YLPM1: variants seen among roughly 807,000 people sequenced by gnomAD.
YLPM1 encodes the protein YLP motif-containing protein 1.
In YLPM1, 99 loss-of-function variants were observed where a neutral mutation model predicts 230.0. The observed-to-expected ratio is 0.43, with a 90% CI of 0.37 to 0.51. YLPM1 has a LOEUF of 0.51. Ranked by LOEUF, YLPM1 falls within the 20% of genes least tolerant of loss-of-function variation. The pLI, the probability that YLPM1 is intolerant of heterozygous loss-of-function variation, is 0.00. For synonymous variants in YLPM1, 984 were observed against 942.5 expected (o/e 1.04, Z -0.81); for missense variants, 2,592 against 2,707.7 (o/e 0.96, Z 0.95).
chr14:74,827,843 A>G lies in YLPM1; in HGVS notation c.6164-1370A>G, dbSNP rs573402146. The G allele has an allele frequency of 3.2e-5, 32 of 985,400 alleles. No homozygotes were observed. The South Asian group carries it at 1.4e-3, about 43-fold the overall frequency. The allele number at this position is 985,400 out of a possible 1,614,324, so 61.0% of individuals were successfully genotyped here. ...GTCAGGGGGTCACTTCTTTAAGATC[A>G]TGTATAATACGGCCCGTCATATACA... On this transcript the variant is annotated intron_variant, in intron 18 of 20. Transcript: ENST00000325680.
In YLPM1 at chr14:74,778,595, A is replaced by G; in HGVS notation, c.1022A>G (p.Gln341Arg). The G allele has an allele frequency of 6.2e-7, 1 of 1,601,016 alleles. No homozygotes were observed. Residue 341 changes from glutamine to arginine, a missense_variant, in exon 2 of 21, where the codon CAA becomes CGA. Gln to Arg is a conservative substitution (Grantham distance 43). Around this residue, in one of 4 missense-constraint regions of YLPM1, gnomAD observed 1,862 missense variants for 1,819.8 expected, o/e 1.02. Transcript: ENST00000325680. ...GAAGTTACAGTACCTGCCACCAGTC[A>G]AGTTCCAGAATCTCCTTCTTCTGAG... is the stretch of plus-strand genomic sequence containing the variant. ...KEEVTVPATS[Q>R]VPESPSSEEP...
intron 4 of YLPM1, 64 bp from the exon 5 acceptor site, chr14:74,797,516 T>C: frequency 7.4e-7 from 1 of 1,356,380 alleles, no homozygotes; most frequent in Non-Finnish European, 9.7e-7. Flanking sequence ...TTAAATATTC[T>C]TACATGGAGA....
chr14:74,794,050 A>G (rs1471161369), intron 4 of YLPM1, among the ~76,000 whole-genome samples: 7 of 152,186 alleles, frequency 4.6e-5, no homozygotes, highest in African/African-American at 1.7e-4. Context: ...TTCAGAATGT[A>G]CAAACAAGAT....
In YLPM1 at chr14:74,798,787, C is replaced by G. The variant is rs760862932; in HGVS notation, c.3490C>G (p.Arg1164Gly). The change falls in exon 5 of 21, where the codon CGT (arginine) becomes GGT (glycine). Residue 1164 changes from arginine (R) to glycine (G), a missense_variant. This residue lies in a region of YLPM1 where 1,862 missense variants were observed against 1,819.8 expected (regional missense o/e 1.02). Coordinates refer to ENST00000325680, the MANE Select transcript of YLPM1 (RefSeq NM_019589.3). ...GGGACTGGGAAGATCAGATTTTGGT[C>G]GTGATAGAGGTCCATTCAGACCAGA... is the stretch of plus-strand genomic sequence containing the variant. ...ERGLGRSDFG[R>G]DRGPFRPEPG... 1 of 1,613,696 alleles carries G rather than the reference C, an allele frequency of 6.2e-7. No individual in the cohort carries two copies. Among genetic ancestry groups the G allele is most frequent in the South Asian group, 1.1e-5 (1 of 91,026 alleles).
At chr14:74,830,181 T>C (rs754747985) in intron 19 of YLPM1, among the ~76,000 whole-genome samples, 1 of 152,162 alleles carries the variant, frequency 6.6e-6, no homozygotes, top group Non-Finnish European at 1.5e-5. Context: ...TTGTAGTTTG[T>C]CATCAGTCTA....
rs1228879476 is a variant in YLPM1, at chr14:74,837,060, C to T, written c.*1322C>T. 2 of 152,120 alleles carry T rather than the reference C, an allele frequency of 1.3e-5. No individual in the cohort carries two copies. The highest frequency in any genetic ancestry group is 2.9e-5 in the Non-Finnish European group (2 of 68,014). 9.4% of individuals were successfully genotyped at this position (152,120 alleles called of 1,614,324 possible). The stretch of plus-strand genomic sequence containing the variant: ...TCTCTTTCAGGCCACAGATGAAAAT[C>T]CTTTACTTTTATGACCTACATTAAA... On this transcript the variant is annotated 3_prime_UTR_variant, in exon 21 of 21. Coordinates refer to ENST00000325680, the MANE Select transcript of YLPM1 (RefSeq NM_019589.3).
At chr14:74,834,716 G>C (rs1328035468) in intron 19 of YLPM1, among the ~76,000 whole-genome samples, 1 of 152,220 alleles carries the variant, frequency 6.6e-6, no homozygotes, top group Non-Finnish European at 1.5e-5. Context: ...TGCGCTCTGA[G>C]TGCTAGAAGG....
At position 74,816,683 on chromosome 14, in the gene YLPM1, A is replaced by G; in HGVS notation, c.5678A>G (p.Lys1893Arg). 1 of 1,612,062 alleles carries G rather than the reference A, an allele frequency of 6.2e-7. No individual in the cohort carries two copies. The highest frequency in any genetic ancestry group is 8.5e-7 in the Non-Finnish European group (1 of 1,179,142). Residue 1893 changes from lysine to arginine, a missense_variant, in exon 13 of 21, where the codon AAA (lysine) becomes AGA (arginine). Physicochemically the swap from Lys to Arg is conservative, Grantham distance 26. This residue lies in a region of YLPM1 where 315 missense variants were observed against 429.3 expected (regional missense o/e 0.73). Transcript: ENST00000325680. ...GATCCAGATTCTGGAAAGAAAGTGA[A>G]AAAGAAGGTATGGTATTCATCTCAG... is the stretch of plus-strand genomic sequence containing the variant. ...EKDPDSGKKV[K>R]KKVMEYEYEA... is the part of the protein sequence containing the mutation.
chr14:74,818,449 T>G, intron 16 of YLPM1, 135 bp downstream of exon 16: 1 of 601,512 alleles, frequency 1.7e-6, no homozygotes. Context: ...TGCCTTTCAT[T>G]GAGATCACGG....
chr14:74,812,790 C>T lies in YLPM1; in HGVS notation c.5502+8C>T, dbSNP rs3815629. The T allele has an allele frequency of 8.1e-3, 12,978 of 1,609,844 alleles. 361 individuals are homozygous for T. The African/African-American group carries it at 0.081, about 10-fold the overall frequency. On this transcript the variant is annotated splice_region_variant and intron_variant, in intron 11 of 20. Transcript: ENST00000325680. ...GAGAGCAGACCTGAGAGAGTGAGTC[C>T]TATGAAGTTGATTCGTCTTCGTGCA...
rs1264874052 is a variant in YLPM1, at chr14:74,781,572, A to C, written c.1529A>C (p.Tyr510Ser). Residue 510 changes from tyrosine (Y) to serine (S), a missense_variant, in exon 4 of 21, where the codon TAT becomes TCT. By Grantham distance (144) the Tyr-to-Ser change is moderately radical. Coordinates refer to ENST00000325680, the MANE Select transcript of YLPM1 (RefSeq NM_019589.3). Reference protein sequence around the residue: ...VNSFQNMKNQYMGNMSMPPPF... With the variant: ...VNSFQNMKNQSMGNMSMPPPF... ...TCATTTCAGAACATGAAGAACCAGT[A>C]TATGGGGAACATGTCAATGCCACCT... is the stretch of plus-strand genomic sequence containing the variant. 1.2e-6 allele frequency: 2 copies of C among 1,614,002 alleles called. No homozygotes were observed. The highest frequency in any genetic ancestry group is 1.7e-6 in the Non-Finnish European group (2 of 1,179,894).
chr14:74,796,492 C>T (rs943885303), intron 4 of YLPM1, among the ~76,000 whole-genome samples: 7 of 152,130 alleles, frequency 4.6e-5, no homozygotes, highest in African/African-American at 1.7e-4. Flanking sequence ...TTCTGTTTTC[C>T]TTATTGTGTA....
rs56373387 is a variant in YLPM1, at chr14:74,767,040, C to T, written c.873+2678C>T. ...CTGGGATTACAAGTGCATGCCACCACGCCTGGCTAATTTTTGTATTTTTAG... is the reference window on the plus strand; with the variant it reads ...CTGGGATTACAAGTGCATGCCACCATGCCTGGCTAATTTTTGTATTTTTAG... On this transcript the variant is annotated intron_variant, in intron 1 of 20. Transcript: ENST00000325680. Among the ~76,000 whole-genome samples, 1,301 of 151,694 alleles carry T rather than the reference C, an allele frequency of 8.6e-3. 13 individuals are homozygous for T. The highest frequency in any genetic ancestry group is 0.029 in the African/African-American group (1,218 of 41,356).
Position 74,816,682 on chromosome 14 carries a change from A to G in YLPM1, c.5677A>G (p.Lys1893Glu), listed in dbSNP as rs777337533. ...AGATCCAGATTCTGGAAAGAAAGTG[A>G]AAAAGAAGGTATGGTATTCATCTCA... ...EKDPDSGKKV[K>E]KKVMEYEYEA... The change falls in exon 13 of 21, where the codon AAA (lysine) becomes GAA (glutamate). Residue 1893 changes from lysine to glutamate, a missense_variant. Lys to Glu is a moderately conservative substitution (Grantham distance 56). Transcript: ENST00000325680. 3 of 1,612,174 alleles carry G rather than the reference A, an allele frequency of 1.9e-6. No homozygotes were observed. The highest frequency in any genetic ancestry group is 3.3e-5 in the Admixed American group (2 of 59,736).
rs761422587 is a variant in YLPM1, at chr14:74,799,304, C to T, written c.4007C>T (p.Pro1336Leu). Reference sequence around the variant, plus strand: ...ATTCCATCTCTTCCACCTTTACCGCCCCTCCCACCTCTTCCACCTTTGGAT... The same window carrying T: ...ATTCCATCTCTTCCACCTTTACCGCTCCTCCCACCTCTTCCACCTTTGGAT... The part of the protein sequence containing the change: ...RDIPSLPPLP[P>L]LPPLPPLDRY... Residue 1336 changes from proline to leucine, a missense_variant, in exon 5 of 21, where the codon CCC becomes CTC. Pro to Leu is a moderately conservative substitution (Grantham distance 98). Around this residue, in one of 4 missense-constraint regions of YLPM1, gnomAD observed 1,862 missense variants for 1,819.8 expected, o/e 1.02. Coordinates refer to ENST00000325680, the MANE Select transcript of YLPM1 (RefSeq NM_019589.3). The T allele has an allele frequency of 6.2e-7, 1 of 1,613,950 alleles. No homozygotes were observed. Among genetic ancestry groups the T allele is most frequent in the Non-Finnish European group, 8.5e-7 (1 of 1,179,886 alleles).
chr14:74,791,561 G>A (rs1462051770), intron 4 of YLPM1, among the ~76,000 whole-genome samples: 6 of 152,056 alleles, frequency 3.9e-5, no homozygotes, highest in African/African-American at 1.4e-4. Flanking sequence ...GCCATTCTTT[G>A]CTTTATTTAT....
At chr14:74,814,497 C>T (rs1025609334) in intron 11 of YLPM1, among the ~76,000 whole-genome samples, 4 of 152,128 alleles carry the variant, frequency 2.6e-5, no homozygotes, top group African/African-American at 9.7e-5. Flanking sequence ...AATGCTTTTT[C>T]TGTGTCAGTT....
At chr14:74,791,867 T>G (rs1284863259) in intron 4 of YLPM1, among the ~76,000 whole-genome samples, 1 of 152,156 alleles carries the variant, frequency 6.6e-6, no homozygotes, top group Non-Finnish European at 1.5e-5. Flanking sequence ...ATTCACAATT[T>G]TGTTAGGAAG....
chr14:74,813,535 C>G (rs892855438), intron 11 of YLPM1, among the ~76,000 whole-genome samples: 2 of 152,112 alleles, frequency 1.3e-5, no homozygotes, highest in African/African-American at 4.8e-5. Flanking sequence ...CCGTAGGACA[C>G]AGCGGATCGT....
Sources: gnomAD v4.1 joint callset for allele counts (sites outside exome capture counted in the v4.1 genomes callset) on GRCh38, gnomAD v4.1.1 for gene constraint, gnomAD v4.1.1 regional missense constraint, MANE v1.5 for transcripts, NCBI Gene and HGNC (gene_info 2026-07-23, HGNC 2026-07-21) for gene names.